The following COL22A1 variants were observed in gnomAD, a reference collection of about 807,000 sequenced individuals.
COL22A1 encodes collagen type XXII alpha 1 chain.
In COL22A1, 221 loss-of-function variants were observed where a neutral mutation model predicts 248.9. That is an observed-to-expected ratio of 0.89 (90% confidence interval 0.80 to 0.99). COL22A1 has a LOEUF of 0.99. COL22A1 is among the 50% of genes least tolerant of loss of function. The pLI is 0.00. For synonymous variants in COL22A1, 891 were observed against 793.4 expected (o/e 1.12, Z -2.07); for missense variants, 2,240 against 2,179.0 (o/e 1.03, Z -0.56).
intron 60 of COL22A1, among the ~76,000 whole-genome samples, chr8:138,601,240 A>G (rs1817981100): frequency 6.6e-6 from 1 of 152,016 alleles, no homozygotes; most frequent in African/African-American, 2.4e-5. Context: ...TCAGGAACCA[A>G]CAGCCACGGG....
intron 5 of COL22A1, chr8:138,827,128 C>T (rs755690937): frequency 3.5e-5 from 10 of 282,456 alleles, no homozygotes; most frequent in South Asian, 1.8e-4. Context: ...CACCCAGCTT[C>T]GCTGCTCCCT....
chr8:138,837,579 G>T (rs1166420266), intron 4 of COL22A1, among the ~76,000 whole-genome samples: 1 of 152,144 alleles, frequency 6.6e-6, no homozygotes, highest in African/African-American at 2.4e-5. Flanking sequence ...GCAGCTGTTG[G>T]AACTGACTGG....
intron 2 of COL22A1, among the ~76,000 whole-genome samples, chr8:138,880,512 C>T (rs141351952): frequency 3.9e-5 from 6 of 152,258 alleles, no homozygotes; most frequent in Admixed American, 6.5e-5. Flanking sequence ...TAAAGTTATA[C>T]GAATTTACAC....
intron 6 of COL22A1, among the ~76,000 whole-genome samples, chr8:138,824,008 G>C (rs1351286181): frequency 6.6e-6 from 1 of 152,154 alleles, no homozygotes; most frequent in African/African-American, 2.4e-5. Context: ...CTTTTTCTGT[G>C]CTCCACATGG....
chr8:138,892,440 G>C (rs976766728), intron 1 of COL22A1, among the ~76,000 whole-genome samples: 10 of 152,154 alleles, frequency 6.6e-5, no homozygotes, highest in Non-Finnish European at 1.0e-4. Flanking sequence ...CATAGAGTAG[G>C]TGTTCACCAA....
Position 138,594,068 on chromosome 8 carries a change from G to A in COL22A1, c.4564C>T (p.Arg1522Cys), listed in dbSNP as rs185123006. 1.1e-5 allele frequency: 18 copies of A among 1,590,030 alleles called. No homozygotes were observed. In the East Asian group the frequency reaches 1.2e-4, roughly 10 times the overall value. Reference protein sequence around the residue: ...GRAGPMGEPGRPGQGGLEGPS... With the variant: ...GRAGPMGEPGCPGQGGLEGPS... ...CCTTCCAGACCCCCCTGCCCAGGAC[G>A]ACCTGGCTCCCCCATGGGGCCGGCC... Residue 1522 changes from arginine to cysteine, a missense_variant, in exon 63 of 65, where the codon CGT (arginine) becomes TGT (cysteine). Transcript: ENST00000303045.
rs200851976 is a variant in COL22A1 at position 138,615,548 on chromosome 8, A to T, written c.3924+453T>A. ...TCCATCTCAAAAAAAAAAAAAAAAA[A>T]TTTTTTTTTTCTTGTTCTGCCAAGA... is the stretch of plus-strand genomic sequence containing the variant. On this transcript the variant is annotated intron_variant, in intron 55 of 64. Transcript: ENST00000303045. 1.5e-3 allele frequency among the ~76,000 whole-genome samples: 114 copies of T among 75,746 alleles called. 2 individuals are homozygous for T. In the South Asian group the frequency reaches 0.018, roughly 12 times the overall value. The allele number at this position is 75,746 out of a possible 152,430, so 49.7% of individuals were successfully genotyped here.
intron 45 of COL22A1, among the ~76,000 whole-genome samples, chr8:138,654,897 T>A (rs1008350897): frequency 6.6e-6 from 1 of 152,160 alleles, no homozygotes; most frequent in Non-Finnish European, 1.5e-5. Flanking sequence ...TGCACTCACA[T>A]CTGAGTTTGT....
At chr8:138,879,833 G>T (rs1401870992) in intron 2 of COL22A1, among the ~76,000 whole-genome samples, 1 of 82,696 alleles carries the variant, frequency 1.2e-5, no homozygotes, top group Non-Finnish European at 2.4e-5. Flanking sequence ...CAAACATTTG[G>T]CTATAAAACA....
chr8:138,603,958 G>T (rs1818235145), intron 59 of COL22A1, among the ~76,000 whole-genome samples: 1 of 152,128 alleles, frequency 6.6e-6, no homozygotes, highest in Admixed American at 6.5e-5. Flanking sequence ...AATATTTTTG[G>T]TATCTAGTCT....
chr8:138,741,909 T>G (rs1831595778), intron 22 of COL22A1, among the ~76,000 whole-genome samples: 2 of 152,162 alleles, frequency 1.3e-5, no homozygotes, highest in African/African-American at 4.8e-5. Context: ...ATGGTAGTGA[T>G]GGAGTTGATG....
intron 7 of COL22A1, 77 bp downstream of exon 7, chr8:138,821,059 C>T: frequency 1.3e-6 from 2 of 1,499,716 alleles, no homozygotes; most frequent in Non-Finnish European, 1.8e-6. Flanking sequence ...GTGTGGAGAA[C>T]ACTGAGGGCA....
rs756085871 is a variant in COL22A1, at chr8:138,737,555, G to T, written c.2108C>A (p.Pro703Gln). The T allele has an allele frequency of 2.1e-5, 34 of 1,611,726 alleles. No individual in the cohort carries two copies. Among genetic ancestry groups the T allele is most frequent in the Non-Finnish European group, 2.9e-5 (34 of 1,178,062 alleles). ...CCCCAGCAATCCAGGGATTCCAGGT[G>T]GTCCCATGTCACCTTTCTTCCCCTG... is the stretch of plus-strand genomic sequence containing the variant. ...GLRGKKGDMGPPGIPGLLGLQ... is the reference protein window; with the variant it reads ...GLRGKKGDMGQPGIPGLLGLQ... The change falls in exon 23 of 65, where the codon CCA becomes CAA. Residue 703 changes from proline to glutamine, a missense_variant. By Grantham distance (76) the Pro-to-Gln change is moderately conservative. Coordinates refer to ENST00000303045, the MANE Select transcript of COL22A1 (RefSeq NM_152888.3).
intron 4 of COL22A1, 81 bp downstream of exon 4, chr8:138,844,003 C>T (rs1219950438): frequency 7.2e-6 from 9 of 1,251,088 alleles, no homozygotes; most frequent in Non-Finnish European, 1.1e-5. Flanking sequence ...GTGAGGCCAC[C>T]CCTGAATTGA....
At position 138,776,023 on chromosome 8, in the gene COL22A1, G is replaced by A; in HGVS notation, c.1759-13C>T. 6.2e-7 allele frequency: 1 copy of A among 1,614,010 alleles called. No individual in the cohort carries two copies. Among genetic ancestry groups the A allele is most frequent in the Non-Finnish European group, 8.5e-7 (1 of 1,179,844 alleles). On this transcript the variant is annotated splice_polypyrimidine_tract_variant and intron_variant, in intron 15 of 64. Transcript: ENST00000303045. ...CTCCTTGGAGACCCTGGGGGACAAAGAAAGAGCAGTGACCCAACATCTTAA... is the reference window on the plus strand; with the variant it reads ...CTCCTTGGAGACCCTGGGGGACAAAAAAAGAGCAGTGACCCAACATCTTAA...
At chr8:138,766,507 G>A (rs1563733849) in intron 16 of COL22A1, among the ~76,000 whole-genome samples, 2 of 151,856 alleles carry the variant, frequency 1.3e-5, no homozygotes, top group South Asian at 2.1e-4. Context: ...CACAGAGAGA[G>A]AGACTCAGTA....
Position 138,607,917 on chromosome 8 carries a change from G to A in COL22A1, c.4032+19C>T. On this transcript the variant is annotated intron_variant, in intron 57 of 64. Coordinates refer to ENST00000303045, the MANE Select transcript of COL22A1 (RefSeq NM_152888.3). ...AAGCCCACCCTGATGCCATCACATA[G>A]CAGCCAAAGAGAACTCACAGGGGTT... The A allele has an allele frequency of 6.2e-7, 1 of 1,612,818 alleles. No homozygotes were observed. The highest frequency in any genetic ancestry group is 8.5e-7 in the Non-Finnish European group (1 of 1,178,994).
Position 138,755,780 on chromosome 8 carries a change from C to T in COL22A1, c.1947+5G>A. ...CATCCATGATTCCAACCACTGCTGA[C>T]TCACCACTGAGCCTGGTACACCAGG... On this transcript the variant is annotated splice_donor_5th_base_variant and intron_variant, in intron 19 of 64. Coordinates refer to ENST00000303045, the MANE Select transcript of COL22A1 (RefSeq NM_152888.3). 11 of 1,614,120 alleles carry T rather than the reference C, an allele frequency of 6.8e-6. No homozygotes were observed. The highest frequency in any genetic ancestry group is 9.3e-6 in the Non-Finnish European group (11 of 1,179,954).
chr8:138,638,042 T>C (rs1351410349), intron 47 of COL22A1, among the ~76,000 whole-genome samples: 6 of 151,974 alleles, frequency 3.9e-5, no homozygotes, highest in Non-Finnish European at 8.8e-5. Flanking sequence ...ATCATCCTCA[T>C]CATCATCATT....
Sources: allele counts gnomAD v4.1 joint callset (sites outside exome capture counted in the v4.1 genomes callset), GRCh38; gene constraint gnomAD v4.1.1; transcripts MANE v1.5; gene names NCBI Gene and HGNC (gene_info 2026-07-23, HGNC 2026-07-21).